The following SLC22A23 variants were observed in gnomAD, a reference collection of about 807,000 sequenced individuals.
SLC22A23 encodes solute carrier family 22 member 23, also known as ion transporter protein.
Under a neutral mutation model 61.0 loss-of-function variants are expected in SLC22A23, and 26 were observed. That is an observed-to-expected ratio of 0.43 (90% CI 0.31 to 0.59). The LOEUF is 0.59. Ranked by LOEUF, SLC22A23 falls within the 20% of genes least tolerant of loss-of-function variation. The probability of loss-of-function intolerance (pLI) is 0.11; values close to 1 mark genes in which losing one functional copy is unlikely to be tolerated. For synonymous variants in SLC22A23, 430 were observed against 413.9 expected (o/e 1.04, Z -0.47); for missense variants, 796 against 934.7 (o/e 0.85, Z 1.94).
At chr6:3,358,399 C>T (rs1765240982) in intron 3 of SLC22A23, among the ~76,000 whole-genome samples, 1 of 152,050 alleles carries the variant, frequency 6.6e-6, no homozygotes. Flanking sequence ...CGCTTAAGAA[C>T]GAATGAAATT....
At chr6:3,420,936 A>C (rs912272152) in intron 1 of SLC22A23, among the ~76,000 whole-genome samples, 1 of 152,030 alleles carries the variant, frequency 6.6e-6, no homozygotes, top group Non-Finnish European at 1.5e-5. Context: ...GAAATCCTGT[A>C]CTAAAAATAC....
chr6:3,399,056 G>A (rs1000087012), intron 3 of SLC22A23, among the ~76,000 whole-genome samples: 7 of 144,920 alleles, frequency 4.8e-5, no homozygotes, highest in Admixed American at 1.4e-4. Flanking sequence ...TAATAAAACC[G>A]AAAAAACGAA....
chr6:3,366,932 GA>G (rs1465050265), intron 3 of SLC22A23, among the ~76,000 whole-genome samples: 1 of 152,198 alleles, frequency 6.6e-6, no homozygotes, highest in African/African-American at 2.4e-5. Context: ...TCCCCTGGCA[GA>G]AATCATTTTC....
chr6:3,364,274 T>A (rs1242046922), intron 3 of SLC22A23, among the ~76,000 whole-genome samples: 1 of 152,186 alleles, frequency 6.6e-6, no homozygotes, highest in African/African-American at 2.4e-5. Context: ...GCATTCGATT[T>A]TCACGGCAAC....
intron 1 of SLC22A23, among the ~76,000 whole-genome samples, chr6:3,416,549 C>A (rs992459418): frequency 2.0e-5 from 3 of 152,212 alleles, no homozygotes; most frequent in Non-Finnish European, 2.9e-5. Flanking sequence ...CAAACAAATA[C>A]AAATCTTCTC....
At chr6:3,326,544 A>C (rs1014175200) in intron 3 of SLC22A23, among the ~76,000 whole-genome samples, 1 of 152,200 alleles carries the variant, frequency 6.6e-6, no homozygotes, top group Non-Finnish European at 1.5e-5. Flanking sequence ...GGAGAAGTGG[A>C]ATAATTTTCT....
At position 3,324,739 on chromosome 6, in the gene SLC22A23, C is replaced by T. The variant is rs1763178499; in HGVS notation, c.914-737G>A. 6.6e-6 allele frequency among the ~76,000 whole-genome samples: 1 copy of T among 152,216 alleles called. No individual in the cohort carries two copies. ...TCCTTTCTCTGTCTCTATTGGACAC[C>T]ACCCCCGGGCAAGGCCCATGTCTAA... On this transcript the variant is annotated intron_variant, in intron 3 of 9. Coordinates refer to ENST00000406686, the MANE Select transcript of SLC22A23 (RefSeq NM_015482.2). This position sits in a 1 kb window ranked among gnomAD's most constrained non-coding sequence, Gnocchi z 4.3.
rs557417064 is a variant in SLC22A23 at position 3,388,563 on chromosome 6, C to A, written c.913+21625G>T. ...CAGCCATCCCACTTCTGGGTATATG[C>A]CTAAAACAAATGAAAGAAGGTACTC... is the stretch of plus-strand genomic sequence containing the variant. On this transcript the variant is annotated intron_variant, in intron 3 of 9. Coordinates refer to ENST00000406686, the MANE Select transcript of SLC22A23 (RefSeq NM_015482.2). 3.3e-5 allele frequency among the ~76,000 whole-genome samples: 5 copies of A among 152,268 alleles called. No homozygotes were observed. In the East Asian group the frequency reaches 9.7e-4, roughly 29 times the overall value.
At chr6:3,287,141 G>C (rs765389281) in intron 6 of SLC22A23, 50 bp from the exon 7 acceptor site, 4 of 1,565,852 alleles carry the variant, frequency 2.6e-6, no homozygotes, top group Non-Finnish European at 3.5e-6. Context: ...CATGCCAGGG[G>C]CTGCGCTGCC....
rs56105654 is a variant in SLC22A23 at position 3,447,115 on chromosome 6, T to C, written c.654+8791A>G. On this transcript the variant is annotated intron_variant, in intron 1 of 9. Coordinates refer to ENST00000406686, the MANE Select transcript of SLC22A23 (RefSeq NM_015482.2). Reference sequence around the variant, plus strand: ...TAATGGTTTTCCTTTGCTCTAAAATTAGAGGAAAAGTTCTTAGCACGGTTT... The same window carrying C: ...TAATGGTTTTCCTTTGCTCTAAAATCAGAGGAAAAGTTCTTAGCACGGTTT... Among the ~76,000 whole-genome samples the C allele has an allele frequency of 7.0e-3, 1,060 of 152,344 alleles. 7 individuals are homozygous for C. The highest frequency in any genetic ancestry group is 0.023 in the Admixed American group (348 of 15,296).
chr6:3,352,163 T>G (rs112020996), intron 3 of SLC22A23, among the ~76,000 whole-genome samples: 3 of 152,260 alleles, frequency 2.0e-5, no homozygotes, highest in African/African-American at 7.2e-5. Context: ...GGGCAGGTTG[T>G]GGAAGGAGAT....
intron 3 of SLC22A23, among the ~76,000 whole-genome samples, chr6:3,383,189 C>T (rs1000677355): frequency 8.5e-5 from 13 of 152,158 alleles, no homozygotes; most frequent in African/African-American, 2.9e-4. Context: ...AGAAATAATG[C>T]TGAGTGAAAG....
rs1335565682 is a variant in SLC22A23 at position 3,410,391 on chromosome 6, T to C, written c.759-49A>G. 2 of 1,516,316 alleles carry C rather than the reference T, an allele frequency of 1.3e-6. No homozygotes were observed. The highest frequency in any genetic ancestry group is 2.8e-5 in the African/African-American group (2 of 71,718). The allele number at this position is 1,516,316 out of a possible 1,614,324, so 93.9% of individuals were successfully genotyped here. Reference sequence around the variant, plus strand: ...TAGGAATCATTGTGAAACAAGACAATGACGCTAGATGCTGAAACCCGGTGT... The same window carrying C: ...TAGGAATCATTGTGAAACAAGACAACGACGCTAGATGCTGAAACCCGGTGT... On this transcript the variant is annotated intron_variant, in intron 2 of 9. Coordinates refer to ENST00000406686, the MANE Select transcript of SLC22A23 (RefSeq NM_015482.2). The surrounding 1 kb of genome is among the most constrained non-coding windows in gnomAD (Gnocchi z 5.0).
At chr6:3,281,599 A>C (rs2127301453) in intron 9 of SLC22A23, among the ~76,000 whole-genome samples, 1 of 152,232 alleles carries the variant, frequency 6.6e-6, no homozygotes, top group East Asian at 1.9e-4. Flanking sequence ...AGAAAGATGG[A>C]GCTCACGGGC....
chr6:3,403,189 T>C (rs1455842505), intron 3 of SLC22A23, among the ~76,000 whole-genome samples: 4 of 141,526 alleles, frequency 2.8e-5, no homozygotes, highest in East Asian at 4.2e-4. Context: ...TTTTTTTTTT[T>C]ACTTGTTTTC....
chr6:3,308,001 C>T lies in SLC22A23; in HGVS notation c.1083-9783G>A, dbSNP rs1420263403. 6.6e-6 allele frequency among the ~76,000 whole-genome samples: 1 copy of T among 152,098 alleles called. No homozygotes were observed. Among genetic ancestry groups the T allele is most frequent in the African/African-American group, 2.4e-5 (1 of 41,406 alleles). Reference sequence around the variant, plus strand: ...GCCGAGGGAGGAACACCTTGACATTCCACTCACATCAGGCACTAGAGGAGT... The same window carrying T: ...GCCGAGGGAGGAACACCTTGACATTTCACTCACATCAGGCACTAGAGGAGT... On this transcript the variant is annotated intron_variant, in intron 4 of 9. Transcript: ENST00000406686. This position sits in a 1 kb window ranked among gnomAD's most constrained non-coding sequence, Gnocchi z 5.1.
intron 3 of SLC22A23, among the ~76,000 whole-genome samples, chr6:3,357,074 A>C (rs1765156203): frequency 1.3e-5 from 2 of 150,574 alleles, no homozygotes; most frequent in South Asian, 4.2e-4. Flanking sequence ...AAAAAAAAAA[A>C]AAAAAAAAAA....
At chr6:3,298,720 C>T (rs1761334707) in intron 4 of SLC22A23, among the ~76,000 whole-genome samples, 1 of 152,056 alleles carries the variant, frequency 6.6e-6, no homozygotes, top group Non-Finnish European at 1.5e-5. Context: ...CGCCTGTAAT[C>T]CCAGCACTTT....
intron 4 of SLC22A23, among the ~76,000 whole-genome samples, chr6:3,323,061 T>A (rs7751611): frequency 0.78 from 117,993 of 151,448 alleles, 46,117 homozygotes; most frequent in Middle Eastern, 0.85. Context: ...GAGAGTTTTT[T>A]AAAAAACCCA....
Sources: allele counts gnomAD v4.1 joint callset (sites outside exome capture counted in the v4.1 genomes callset), GRCh38; gene constraint gnomAD v4.1.1; non-coding constraint Gnocchi (gnomAD v3.1); transcripts MANE v1.5; gene names NCBI Gene and HGNC (gene_info 2026-07-23, HGNC 2026-07-21).